Variants in SGCD observed in about 807,000 individuals in gnomAD.
SGCD encodes the protein sarcoglycan delta.
A neutral mutation model predicts 36.6 loss-of-function variants in SGCD; 18 were observed. That is an observed-to-expected ratio of 0.49 (90% CI 0.34 to 0.73). The LOEUF (loss-of-function observed/expected upper bound fraction) is 0.73, where lower values mean the gene tolerates loss of function less well. Among genes scored for constraint, SGCD ranks in the 30% least tolerant of loss-of-function variants. The probability of loss-of-function intolerance (pLI) is 0.01; values close to 1 mark genes in which losing one functional copy is unlikely to be tolerated. For missense variants in SGCD, 387 were observed against 346.7 expected, an observed-to-expected ratio of 1.12 and a Z score of -0.92; for synonymous variants, 133 against 130.6, an observed-to-expected ratio of 1.02 and a Z score of -0.12.
intron 3 of SGCD, among the ~76,000 whole-genome samples, chr5:156,399,179 A>C (rs62380751): frequency 0.18 from 27,821 of 152,088 alleles, 2,652 homozygotes; most frequent in Middle Eastern, 0.26. Context: ...TTGCTGGGAG[A>C]CTACTTTGTG....
chr5:156,432,679 G>C (rs1753074829), intron 3 of SGCD, among the ~76,000 whole-genome samples: 1 of 152,122 alleles, frequency 6.6e-6, no homozygotes, highest in Non-Finnish European at 1.5e-5. Context: ...CAGACTGCTG[G>C]GGTAATGTTC....
chr5:156,107,661 C>T (rs1561724016), intron 1 of SGCD, among the ~76,000 whole-genome samples: 2 of 152,218 alleles, frequency 1.3e-5, no homozygotes, highest in East Asian at 3.9e-4. Flanking sequence ...CCCTCCTAGG[C>T]AACTGAAAGT....
Position 156,759,913 on chromosome 5 carries a change from G to GCTAA in SGCD, c.*526_*529dup, listed in dbSNP as rs1394911523. On this transcript the variant is annotated 3_prime_UTR_variant, in exon 9 of 9. Transcript: ENST00000337851. ...TCCTGTTTTAGCTTTAGTAAGGCTGGCTAACTTCCCCCTCTTCAAGCTAGG... is the reference window on the plus strand; with the variant it reads ...TCCTGTTTTAGCTTTAGTAAGGCTGGCTAACTAACTTCCCCCTCTTCAAGCTAGG... 2 of 152,172 alleles carry GCTAA rather than the reference G, an allele frequency of 1.3e-5. No individual in the cohort carries two copies. The highest frequency in any genetic ancestry group is 4.8e-5 in the African/African-American group (2 of 41,442). The allele number at this position is 152,172 out of a possible 1,614,324, so 9.4% of individuals were successfully genotyped here.
the SGCD span, among the ~76,000 whole-genome samples, chr5:155,832,697 A>G: frequency 6.6e-6 from 1 of 151,226 alleles, no homozygotes; most frequent in African/African-American, 2.4e-5. Context: ...AAGATATAAT[A>G]GACATGCAAA....
chr5:156,126,434 C>T (rs1047828269), intron 3 of SGCD, among the ~76,000 whole-genome samples: 3 of 152,056 alleles, frequency 2.0e-5, no homozygotes, highest in Non-Finnish European at 2.9e-5. Flanking sequence ...AGAGACCAGT[C>T]GACCATTAAG....
chr5:156,448,714 A>G (rs951739100), intron 3 of SGCD, among the ~76,000 whole-genome samples: 1 of 140,566 alleles, frequency 7.1e-6, no homozygotes, highest in Non-Finnish European at 1.5e-5. Flanking sequence ...GGGTGGGAGA[A>G]GTTTCTTTTT....
At chr5:156,700,667 G>A (rs548855074) in intron 7 of SGCD, among the ~76,000 whole-genome samples, 9 of 152,174 alleles carry the variant, frequency 5.9e-5, no homozygotes, top group African/African-American at 1.9e-4. Context: ...AATAATGCTG[G>A]GCATGGTGGC....
chr5:155,878,411 C>T (rs1755809916), intron 1 of SGCD, among the ~76,000 whole-genome samples: 1 of 151,876 alleles, frequency 6.6e-6, no homozygotes, highest in South Asian at 2.1e-4. Flanking sequence ...CAGTGGTGAC[C>T]AATTAGAAAA....
chr5:156,547,115 G>T (rs1758606077), intron 4 of SGCD, among the ~76,000 whole-genome samples: 1 of 152,158 alleles, frequency 6.6e-6, no homozygotes, highest in Admixed American at 6.5e-5. Context: ...CACTACAGAG[G>T]CAATTGCCAG....
At chr5:156,578,915 T>C (rs1324366138) in intron 4 of SGCD, among the ~76,000 whole-genome samples, 3 of 152,242 alleles carry the variant, frequency 2.0e-5, no homozygotes, top group African/African-American at 7.2e-5. Context: ...CTCTATGTCC[T>C]TCAGTTCTGC....
intron 4 of SGCD, among the ~76,000 whole-genome samples, chr5:156,519,265 C>A (rs115561319): frequency 1.3e-5 from 2 of 152,046 alleles, no homozygotes; most frequent in Non-Finnish European, 2.9e-5. Context: ...CACATACACC[C>A]TTCCCAGACT....
chr5:156,618,997 G>A (rs1218682165), intron 6 of SGCD, among the ~76,000 whole-genome samples: 2 of 151,486 alleles, frequency 1.3e-5, no homozygotes, highest in Non-Finnish European at 2.9e-5. Flanking sequence ...CGTTCACTGT[G>A]TGGCCGCTTT....
chr5:156,332,546 A>C (rs772016016), intron 2 of SGCD, among the ~76,000 whole-genome samples: 10 of 152,210 alleles, frequency 6.6e-5, no homozygotes, highest in African/African-American at 2.2e-4. Flanking sequence ...TTGAGTGACC[A>C]TGTTCTCTGT....
intron 3 of SGCD, among the ~76,000 whole-genome samples, chr5:156,370,731 T>C (rs1770338274): frequency 6.6e-6 from 1 of 152,080 alleles, no homozygotes; most frequent in African/African-American, 2.4e-5. Flanking sequence ...GCATGACAGT[T>C]TTTTTACGGA....
intron 3 of SGCD, among the ~76,000 whole-genome samples, chr5:156,184,334 G>T: frequency 6.7e-6 from 1 of 149,924 alleles, no homozygotes; most frequent in East Asian, 2.0e-4. Flanking sequence ...ATGTTATCCT[G>T]TGAAGTGGGG....
chr5:156,328,389 G>T (rs1181284634), intron 1 of SGCD, among the ~76,000 whole-genome samples: 1 of 152,210 alleles, frequency 6.6e-6, no homozygotes, highest in Non-Finnish European at 1.5e-5. Flanking sequence ...ATGGATGAAT[G>T]AATGGAATCT....
chr5:156,562,894 T>C (rs945744160), intron 4 of SGCD, among the ~76,000 whole-genome samples: 16 of 151,860 alleles, frequency 1.1e-4, no homozygotes, highest in African/African-American at 3.1e-4. Context: ...TTAAATTACC[T>C]TCCATTTTTT....
chr5:156,330,245 T>C (rs541838660), intron 2 of SGCD, among the ~76,000 whole-genome samples: 1 of 152,084 alleles, frequency 6.6e-6, no homozygotes, highest in East Asian at 1.9e-4. Flanking sequence ...ATTCCAAAAA[T>C]CCAAAAAAAT....
intron 1 of SGCD, among the ~76,000 whole-genome samples, chr5:156,069,882 C>T (rs1479908162): frequency 1.3e-5 from 2 of 152,160 alleles, no homozygotes; most frequent in South Asian, 4.1e-4. Flanking sequence ...ATTTTATTCT[C>T]TTTGAAGCAA....
Sources: gnomAD v4.1 joint callset for allele counts (sites outside exome capture counted in the v4.1 genomes callset) on GRCh38, gnomAD v4.1.1 for gene constraint, MANE v1.5 for transcripts, NCBI Gene and HGNC (gene_info 2026-07-23, HGNC 2026-07-21) for gene names.